The following CCDC102B variants were observed in gnomAD, a reference collection of about 807,000 sequenced individuals.
CCDC102B encodes coiled-coil domain containing 102B.
Under a neutral mutation model 57.4 loss-of-function variants are expected in CCDC102B, and 75 were observed. The ratio of observed to expected loss-of-function variants is 1.31; its 90% CI spans 1.08 to 1.58. The LOEUF (loss-of-function observed/expected upper bound fraction) is 1.58. Among genes scored for constraint, CCDC102B ranks in the 40% most tolerant of loss-of-function variants. The pLI, the probability that CCDC102B is intolerant of heterozygous loss-of-function variation, is 0.00. For synonymous variants in CCDC102B, 206 were observed against 201.9 expected, an observed-to-expected ratio of 1.02 and a Z score of -0.17; for missense variants, 636 against 582.6, an observed-to-expected ratio of 1.09 and a Z score of -0.94.
intron 6 of CCDC102B, among the ~76,000 whole-genome samples, chr18:68,956,141 G>T (rs962035219): frequency 2.0e-5 from 3 of 150,764 alleles, no homozygotes; most frequent in African/African-American, 4.9e-5. Context: ...CAAATGAAGG[G>T]ATATCATCCT....
chr18:68,956,554 T>TTG lies in CCDC102B; in HGVS notation c.1264-54379_1264-54378insGT, dbSNP rs1555733226. Among the ~76,000 whole-genome samples the TTG allele has an allele frequency of 1.8e-3, 12 of 6,780 alleles. 3 individuals carry two copies. Among genetic ancestry groups the TTG allele is most frequent in the Non-Finnish European group, 4.0e-3 (10 of 2,470 alleles). 4.4% of individuals were successfully genotyped at this position (6,780 alleles called of 152,430 possible). A position where few individuals can be genotyped will look rare whatever the true frequency, so the allele number is the denominator to read the frequency against. On this transcript the variant is annotated intron_variant, in intron 6 of 7. Coordinates refer to ENST00000360242, the MANE Select transcript of CCDC102B (RefSeq NM_024781.3). ...ATTATATATTTTATATATATAAATA[T>TTG]TATATATATTATATATTTTATATAT...
chr18:69,007,300 T>C (rs2051377089), intron 6 of CCDC102B, among the ~76,000 whole-genome samples: 2 of 152,156 alleles, frequency 1.3e-5, no homozygotes, highest in South Asian at 4.1e-4. Context: ...ATATAGTTTC[T>C]CACATAACAA....
intron 2 of CCDC102B, among the ~76,000 whole-genome samples, chr18:68,782,897 C>T (rs955398097): frequency 3.9e-5 from 6 of 152,072 alleles, no homozygotes; most frequent in South Asian, 2.1e-4. Context: ...AAAATTTAAC[C>T]GTATGTGAGG....
chr18:68,799,488 A>G (rs1167625431), intron 1 of CCDC102B, among the ~76,000 whole-genome samples: 1 of 152,168 alleles, frequency 6.6e-6, no homozygotes, highest in Non-Finnish European at 1.5e-5. Context: ...TATTACAGTT[A>G]CAAAACAATG....
At position 68,802,823 on chromosome 18, in the gene CCDC102B, A is replaced by G. The variant is rs954022928; in HGVS notation, c.-16+4642A>G. 2.0e-5 allele frequency among the ~76,000 whole-genome samples: 3 copies of G among 152,204 alleles called. No homozygotes were observed. The East Asian group carries it at 5.8e-4, about 29-fold the overall frequency. On this transcript the variant is annotated intron_variant, in intron 1 of 7. Coordinates refer to ENST00000360242, the MANE Select transcript of CCDC102B (RefSeq NM_024781.3). ...AGAAATAGTGCAGAAGACAAACTCC[A>G]CCTCCCATCTGCTGATTCTTTTGAA...
At chr18:68,959,731 C>T (rs1419947518) in intron 6 of CCDC102B, among the ~76,000 whole-genome samples, 2 of 151,948 alleles carry the variant, frequency 1.3e-5, no homozygotes, top group African/African-American at 4.8e-5. Flanking sequence ...ACTCTTTGCT[C>T]CCTTTTTCTC....
chr18:68,827,379 G>T (rs1259810259), intron 1 of CCDC102B, among the ~76,000 whole-genome samples: 1 of 151,978 alleles, frequency 6.6e-6, no homozygotes, highest in East Asian at 1.9e-4. Flanking sequence ...AAGGTAAAAT[G>T]ACCTAAAGAG....
At chr18:68,879,378 C>T (rs1216197339) in intron 5 of CCDC102B, among the ~76,000 whole-genome samples, 5 of 152,084 alleles carry the variant, frequency 3.3e-5, no homozygotes, top group Non-Finnish European at 5.9e-5. Context: ...GGGACTCGAG[C>T]GGGTTGCCAC....
In CCDC102B at chr18:68,956,411, A is replaced by G. The variant is rs1394282865; in HGVS notation, c.1264-54523A>G. Among the ~76,000 whole-genome samples, 74 of 32,828 alleles carry G rather than the reference A, an allele frequency of 2.3e-3. 14 individuals are homozygous for G. Among genetic ancestry groups the G allele is most frequent in the Admixed American group, 6.6e-3 (10 of 1,518 alleles). The allele number at this position is 32,828 out of a possible 152,430, so 21.5% of individuals were successfully genotyped here. A position where few individuals can be genotyped will look rare whatever the true frequency, so the allele number is the denominator to read the frequency against. Reference sequence around the variant, plus strand: ...TAATATATATATAAATATATTTTATATATATTATATATATTATACATTTTA... The same window carrying G: ...TAATATATATATAAATATATTTTATGTATATTATATATATTATACATTTTA... On this transcript the variant is annotated intron_variant, in intron 6 of 7. Coordinates refer to ENST00000360242, the MANE Select transcript of CCDC102B (RefSeq NM_024781.3).
intron 5 of CCDC102B, among the ~76,000 whole-genome samples, chr18:68,875,847 C>T (rs1395057663): frequency 6.6e-6 from 1 of 152,118 alleles, no homozygotes; most frequent in Non-Finnish European, 1.5e-5. Context: ...AGCTAAGCTG[C>T]TTAGGAGAAT....
intron 5 of CCDC102B, among the ~76,000 whole-genome samples, chr18:68,883,785 C>T (rs1419608699): frequency 1.3e-5 from 2 of 152,170 alleles, no homozygotes; most frequent in African/African-American, 4.8e-5. Context: ...GAACATTTCT[C>T]TCTGAGTACA....
intron 2 of CCDC102B, among the ~76,000 whole-genome samples, chr18:68,739,878 T>A (rs1159760057): frequency 6.6e-6 from 1 of 152,232 alleles, no homozygotes; most frequent in African/African-American, 2.4e-5. Context: ...CTGGAACAGC[T>A]GCAGAGCTTC....
intron 1 of CCDC102B, among the ~76,000 whole-genome samples, chr18:68,815,374 GC>G (rs1195118815): frequency 1.3e-5 from 2 of 152,156 alleles, no homozygotes; most frequent in Non-Finnish European, 2.9e-5. Context: ...ATGCATTGGG[GC>G]AATGGTAAAC....
intron 7 of CCDC102B, among the ~76,000 whole-genome samples, chr18:69,013,479 A>G (rs1160134665): frequency 2.0e-5 from 3 of 152,232 alleles, no homozygotes; most frequent in Admixed American, 6.5e-5. Context: ...CCACTGTGCA[A>G]TATATCCATG....
intron 6 of CCDC102B, among the ~76,000 whole-genome samples, chr18:68,944,639 G>A (rs918599336): frequency 2.4e-4 from 6 of 24,778 alleles, no homozygotes; most frequent in African/African-American, 9.5e-4. Flanking sequence ...TCAAACTGGT[G>A]ATTAGGTTAA....
intron 6 of CCDC102B, among the ~76,000 whole-genome samples, chr18:68,906,325 T>G (rs2040641759): frequency 6.6e-6 from 1 of 152,292 alleles, no homozygotes; most frequent in South Asian, 2.1e-4. Context: ...TTCAGTTATT[T>G]GGGGTATATA....
intron 4 of CCDC102B, among the ~76,000 whole-genome samples, chr18:68,864,090 CGTT>C (rs984192516): frequency 2.9e-4 from 44 of 152,016 alleles, no homozygotes; most frequent in African/African-American, 1.0e-3. Flanking sequence ...GACTGGGAAA[CGTT>C]GTAAATATGT....
intron 3 of CCDC102B, among the ~76,000 whole-genome samples, chr18:68,839,496 A>G (rs1010861228): frequency 6.6e-6 from 1 of 152,190 alleles, no homozygotes; most frequent in Non-Finnish European, 1.5e-5. Flanking sequence ...TTATCTTGAA[A>G]CAAACTTTTC....
intron 3 of CCDC102B, among the ~76,000 whole-genome samples, chr18:68,839,619 G>A (rs2037536679): frequency 6.6e-6 from 1 of 152,290 alleles, no homozygotes; most frequent in African/African-American, 2.4e-5. Flanking sequence ...TCAGTTGCAA[G>A]GGCTCAAAGG....
Sources: gnomAD v4.1 joint callset for allele counts (sites outside exome capture counted in the v4.1 genomes callset) on GRCh38, gnomAD v4.1.1 for gene constraint, MANE v1.5 for transcripts, NCBI Gene and HGNC (gene_info 2026-07-23, HGNC 2026-07-21) for gene names.